The following DLGAP2 variants were observed in gnomAD, a reference collection of about 807,000 sequenced individuals.
The protein encoded by DLGAP2 is disks large-associated protein 2.
A neutral mutation model predicts 100.3 loss-of-function variants in DLGAP2; 26 were observed. That is an observed-to-expected ratio of 0.26 (90% CI 0.19 to 0.36). DLGAP2 has a LOEUF of 0.36. DLGAP2 is among the 10% of genes least tolerant of loss of function. The pLI is 1.00. For missense variants in DLGAP2, 1,858 were observed against 1,453.2 expected (o/e 1.28, Z -4.53); for synonymous variants, 886 against 630.1 (o/e 1.41, Z -6.08).
chr8:991,717 C>T (rs1169299330), intron 2 of DLGAP2, among the ~76,000 whole-genome samples: 12 of 3,304 alleles, frequency 3.6e-3, no homozygotes, highest in Admixed American at 7.4e-3. Flanking sequence ...TTGCCCAGAC[C>T]CCCTGCACCC....
chr8:866,233 C>A (rs1302164075), intron 1 of DLGAP2, among the ~76,000 whole-genome samples: 8 of 152,172 alleles, frequency 5.3e-5, no homozygotes, highest in Admixed American at 5.2e-4. Flanking sequence ...CCAGGCCTGT[C>A]CAGATCTTCC....
At chr8:831,615 T>C (rs761913140) in intron 1 of DLGAP2, among the ~76,000 whole-genome samples, 1 of 152,216 alleles carries the variant, frequency 6.6e-6, no homozygotes, top group Non-Finnish European at 1.5e-5. Flanking sequence ...TAGTCTATCA[T>C]TGATGGACAT....
intron 1 of DLGAP2, among the ~76,000 whole-genome samples, chr8:889,052 T>C (rs143436142): frequency 0.021 from 3,225 of 152,064 alleles, 52 homozygotes; most frequent in Admixed American, 0.033. Flanking sequence ...CAAAGGGGGG[T>C]TGTTCTCTGG....
At chr8:1,532,981 C>T (rs1275890762) in intron 4 of DLGAP2, among the ~76,000 whole-genome samples, 1 of 152,110 alleles carries the variant, frequency 6.6e-6, no homozygotes, top group Admixed American at 6.5e-5. Flanking sequence ...GATGCATTCA[C>T]CTGCACTTCT....
intron 2 of DLGAP2, among the ~76,000 whole-genome samples, chr8:1,178,731 C>A (rs1441944549): frequency 6.6e-6 from 1 of 152,208 alleles, no homozygotes; most frequent in East Asian, 1.9e-4. Flanking sequence ...TGCTTTTCTT[C>A]CCCTTTGGCT....
chr8:1,256,072 A>G (rs33999266), intron 2 of DLGAP2, among the ~76,000 whole-genome samples: 36,385 of 72,756 alleles, frequency 0.5, 8,512 homozygotes, highest in East Asian at 0.67. Flanking sequence ...CCTGGGTGCT[A>G]TGTGTGTGTC....
intron 2 of DLGAP2, among the ~76,000 whole-genome samples, chr8:1,184,199 A>C (rs556253130): frequency 6.6e-6 from 1 of 152,360 alleles, no homozygotes; most frequent in South Asian, 2.1e-4. Context: ...CATAGAGAGC[A>C]AGCCATTTAA....
chr8:1,546,223 C>G (rs1258206246), intron 4 of DLGAP2, among the ~76,000 whole-genome samples: 1 of 152,230 alleles, frequency 6.6e-6, no homozygotes, highest in South Asian at 2.1e-4. Context: ...AAATATAACA[C>G]AGTGAGGCTC....
At chr8:1,085,391 G>A (rs1803940841) in intron 2 of DLGAP2, among the ~76,000 whole-genome samples, 2 of 152,090 alleles carry the variant, frequency 1.3e-5, no homozygotes, top group African/African-American at 4.8e-5. Flanking sequence ...CTATGCTTTT[G>A]TTACCTGCGC....
chr8:1,536,747 A>G (rs1801165555), intron 4 of DLGAP2, among the ~76,000 whole-genome samples: 1 of 152,110 alleles, frequency 6.6e-6, no homozygotes, highest in Non-Finnish European at 1.5e-5. Context: ...AAAGCATCCC[A>G]TTCCTTTTCT....
intron 2 of DLGAP2, among the ~76,000 whole-genome samples, chr8:1,257,569 G>A (rs957011165): frequency 6.6e-6 from 1 of 152,226 alleles, no homozygotes; most frequent in East Asian, 1.9e-4. Flanking sequence ...TCAAGGTTCA[G>A]GCCAGATGGC....
intron 1 of DLGAP2, among the ~76,000 whole-genome samples, chr8:744,569 G>A (rs1203921477): frequency 9.0e-5 from 13 of 144,352 alleles, no homozygotes; most frequent in Admixed American, 1.4e-4. Context: ...TCGCCCTCCC[G>A]GGGTGCTGGC....
At chr8:937,432 T>C (rs1269088029) in intron 2 of DLGAP2, among the ~76,000 whole-genome samples, 3 of 152,200 alleles carry the variant, frequency 2.0e-5, no homozygotes, top group Non-Finnish European at 4.4e-5. Flanking sequence ...CCCATGACTA[T>C]GAGAGAGACT....
intron 3 of DLGAP2, among the ~76,000 whole-genome samples, chr8:1,282,716 C>G (rs1284132371): frequency 7.5e-6 from 1 of 132,460 alleles, no homozygotes; most frequent in African/African-American, 2.8e-5. Context: ...GTGACCTGAA[C>G]CCAGCGCCCT....
chr8:1,111,540 G>A (rs1804959062), intron 2 of DLGAP2, among the ~76,000 whole-genome samples: 1 of 151,974 alleles, frequency 6.6e-6, no homozygotes, highest in Admixed American at 6.6e-5. Context: ...ATATTTCATG[G>A]TCCCCTCCCC....
chr8:1,029,190 G>A (rs1282515018), intron 2 of DLGAP2, among the ~76,000 whole-genome samples: 2 of 152,162 alleles, frequency 1.3e-5, no homozygotes, highest in Non-Finnish European at 2.9e-5. Context: ...GGAGGGCTCT[G>A]TAGAAAGTCC....
At chr8:1,538,041 C>T (rs137915033) in intron 4 of DLGAP2, among the ~76,000 whole-genome samples, 29 of 152,208 alleles carry the variant, frequency 1.9e-4, no homozygotes, top group African/African-American at 6.7e-4. Flanking sequence ...ATGCAAAGTG[C>T]CTGCATTTGA....
chr8:1,252,171 C>T (rs1425273710), intron 2 of DLGAP2, among the ~76,000 whole-genome samples: 1 of 151,568 alleles, frequency 6.6e-6, no homozygotes, highest in Non-Finnish European at 1.5e-5. Flanking sequence ...TTGTGTTGTC[C>T]TGGGTCACGG....
At chr8:1,441,328 T>A (rs577506305) in intron 3 of DLGAP2, among the ~76,000 whole-genome samples, 2 of 152,202 alleles carry the variant, frequency 1.3e-5, no homozygotes, top group East Asian at 3.9e-4. Flanking sequence ...ATAATAGAAA[T>A]GTCTTCACGC....
Sources: gnomAD v4.1 joint callset for allele counts (sites outside exome capture counted in the v4.1 genomes callset) on GRCh38, gnomAD v4.1.1 for gene constraint, MANE v1.5 for transcripts, NCBI Gene and HGNC (gene_info 2026-07-23, HGNC 2026-07-21) for gene names.